Variants in PGLYRP4 observed in about 807,000 individuals in gnomAD.
PGLYRP4 encodes the protein PGRP-I-beta.
A neutral mutation model predicts 41.2 loss-of-function variants in PGLYRP4; 39 were observed. That is an observed-to-expected ratio of 0.95 (90% CI 0.73 to 1.24). The LOEUF (loss-of-function observed/expected upper bound fraction) is 1.24, where lower values mean the gene tolerates loss of function less well. Among genes scored for constraint, PGLYRP4 ranks in the 50% most tolerant of loss-of-function variants. PGLYRP4 has a pLI of 0.00. For synonymous variants in PGLYRP4, 202 were observed against 186.8 expected (o/e 1.08, Z -0.66); for missense variants, 467 against 460.7 (o/e 1.01, Z -0.13).
At chr1:153,334,468 T>TATATATATTTATATATATA in intron 8 of PGLYRP4, among the ~76,000 whole-genome samples, 1 of 142,530 alleles carries the variant, frequency 7.0e-6, no homozygotes, top group Non-Finnish European at 1.5e-5. Flanking sequence ...ATATATTTAT[T>TATATATATTTATATATATA]TATATATATT....
rs1450926780 is a variant in PGLYRP4 at position 153,340,380 on chromosome 1, C to T, written c.824+1G>A. 1.2e-6 allele frequency: 2 copies of T among 1,613,848 alleles called. No homozygotes were observed. The highest frequency in any genetic ancestry group is 1.7e-5 in the Admixed American group (1 of 60,002). ...AGCCCAGTGTACCCAGACCCACTCA[C>T]TTATAACCAATGTCGCATGACTTGA... is the stretch of plus-strand genomic sequence containing the variant. On this transcript the variant is annotated splice_donor_variant, in intron 7 of 8. Transcript: ENST00000359650. LOFTEE classifies it high-confidence loss of function.
chr1:153,339,595 G>A (rs899336937), intron 7 of PGLYRP4, among the ~76,000 whole-genome samples: 1 of 152,132 alleles, frequency 6.6e-6, no homozygotes, highest in African/African-American at 2.4e-5. Context: ...GGGGTCTAAC[G>A]CCGGATGTCT....
rs1274919555 is a variant in PGLYRP4 at position 153,341,761 on chromosome 1, G to T, written c.491C>A (p.Ala164Asp). The change falls in exon 6 of 9, where the codon GCT becomes GAT. Residue 164 changes from alanine to aspartate, a missense_variant. Transcript: ENST00000359650. ...TAGGTTTTCCATGGCCGACAGGGCA[G>T]CAGGGCTGGGACTGTGGCCTAGAAG... ...GTKKGHSPSP[A>D]ALSAMENLIT... 3 of 1,613,830 alleles carry T rather than the reference G, an allele frequency of 1.9e-6. No individual in the cohort carries two copies. The South Asian group carries it at 3.3e-5, about 18-fold the overall frequency.
chr1:153,345,275 G>C lies in PGLYRP4; in HGVS notation c.247C>G (p.His83Asp), dbSNP rs1348817028. The C allele has an allele frequency of 2.5e-6, 4 of 1,614,018 alleles. No individual in the cohort carries two copies. In the African/African-American group the frequency reaches 4.0e-5, roughly 16 times the overall value. Reference protein sequence around the residue: ...TTPVNVLVIHHVPGLECHDQT... With the variant: ...TTPVNVLVIHDVPGLECHDQT... ...TCGTGACACTCCAGTCCAGGGACATGGTGTATAACAAGGACATTCACTGGC... is the reference window on the plus strand; with the variant it reads ...TCGTGACACTCCAGTCCAGGGACATCGTGTATAACAAGGACATTCACTGGC... Residue 83 changes from histidine to aspartate, a missense_variant, in exon 4 of 9, where the codon CAT becomes GAT. Coordinates refer to ENST00000359650, the MANE Select transcript of PGLYRP4 (RefSeq NM_020393.4).
chr1:153,339,240 G>A (rs114888794), intron 7 of PGLYRP4, among the ~76,000 whole-genome samples: 3 of 152,304 alleles, frequency 2.0e-5, no homozygotes, highest in South Asian at 4.1e-4. Context: ...CCATTTTCAG[G>A]TATCCACTCT....
At chr1:153,334,009 A>G (rs1187058023) in intron 8 of PGLYRP4, among the ~76,000 whole-genome samples, 3 of 152,164 alleles carry the variant, frequency 2.0e-5, no homozygotes, top group Admixed American at 1.3e-4. Context: ...AAAGACAAAG[A>G]TGCCCACTTT....
At chr1:153,345,444 A>G in intron 3 of PGLYRP4, 62 bp from the exon 4 acceptor site, 3 of 1,456,282 alleles carry the variant, frequency 2.1e-6, no homozygotes, top group Non-Finnish European at 2.9e-6. Context: ...CAAGCTGAAC[A>G]TGCAGGCATG....
chr1:153,345,761 T>A (rs1190197067), intron 3 of PGLYRP4, among the ~76,000 whole-genome samples: 1 of 152,168 alleles, frequency 6.6e-6, no homozygotes, highest in Non-Finnish European at 1.5e-5. Flanking sequence ...CGGTTCTGAG[T>A]GTTCCCTGAG....
intron 3 of PGLYRP4, 82 bp from the exon 4 acceptor site, chr1:153,345,464 G>T: frequency 7.7e-7 from 1 of 1,293,000 alleles, no homozygotes; most frequent in Admixed American, 1.7e-5. Context: ...GGGCTGTGTC[G>T]GCCCCTTGGT....
Position 153,340,448 on chromosome 1 carries a change from G to C in PGLYRP4, c.757C>G (p.Arg253Gly), listed in dbSNP as rs148300800. The change falls in exon 7 of 9, where the codon CGC becomes GGC. Residue 253 changes from arginine (R) to glycine (G), a missense_variant. Coordinates refer to ENST00000359650, the MANE Select transcript of PGLYRP4 (RefSeq NM_020393.4). ...GACTGGATGTCCCGGACCAGCAGGC[G>C]GCACTCATCAGAAATGTTGCAGGTC... ...GRTCNISDEC[R>G]LLVRDIQSFY... is the part of the protein sequence containing the mutation. 1 of 1,614,082 alleles carries C rather than the reference G, an allele frequency of 6.2e-7. No homozygotes were observed. The highest frequency in any genetic ancestry group is 8.5e-7 in the Non-Finnish European group (1 of 1,180,010).
chr1:153,332,401 A>G (rs1297788877), intron 8 of PGLYRP4, among the ~76,000 whole-genome samples: 1 of 152,200 alleles, frequency 6.6e-6, no homozygotes, highest in African/African-American at 2.4e-5. Context: ...TAGACCTAAG[A>G]AAAGAGATGA....
rs1660303602 is a variant in PGLYRP4 at position 153,330,780 on chromosome 1, T to C, written c.1109A>G (p.His370Arg). ...CTGGGGCTTCTCTCAGTGTTTGAAA[T>C]GAGGCCAGGTGCTGATGATGTTGTA... ...ALYNIISTWPHFKH is the reference protein window; with the variant it reads ...ALYNIISTWPRFKH Residue 370 changes from histidine (H) to arginine (R), a missense_variant, in exon 9 of 9, where the codon CAT becomes CGT. Transcript: ENST00000359650. The C allele has an allele frequency of 1.2e-6, 2 of 1,613,218 alleles. No homozygotes were observed. Among genetic ancestry groups the C allele is most frequent in the Non-Finnish European group, 1.7e-6 (2 of 1,179,392 alleles).
intron 3 of PGLYRP4, among the ~76,000 whole-genome samples, chr1:153,345,897 T>G (rs1660990573): frequency 6.6e-6 from 1 of 152,180 alleles, no homozygotes; most frequent in Non-Finnish European, 1.5e-5. Flanking sequence ...CCCCTCTTCC[T>G]GGGTTTCTAG....
chr1:153,344,111 A>AT (rs1366007886), intron 4 of PGLYRP4, among the ~76,000 whole-genome samples: 3 of 152,208 alleles, frequency 2.0e-5, no homozygotes, highest in African/African-American at 7.2e-5. Flanking sequence ...CAAGCCTCTG[A>AT]TAAACTCTCC....
At chr1:153,336,538 ATTGGC>A (rs1352291496) in intron 8 of PGLYRP4, among the ~76,000 whole-genome samples, 1 of 152,172 alleles carries the variant, frequency 6.6e-6, no homozygotes, top group African/African-American at 2.4e-5. Context: ...ATGGGTACAT[ATTGGC>A]ACACAGAGTA....
At chr1:153,339,406 G>A (rs561442543) in intron 7 of PGLYRP4, among the ~76,000 whole-genome samples, 102 of 152,312 alleles carry the variant, frequency 6.7e-4, no homozygotes, top group African/African-American at 1.8e-3. Context: ...GGCCAGAGAG[G>A]GGAGAGACAG....
rs754138096 is a variant in PGLYRP4 at position 153,340,483 on chromosome 1, G to T, written c.722C>A (p.Thr241Asn). Residue 241 changes from threonine (T) to asparagine (N), a missense_variant, in exon 7 of 9, where the codon ACT becomes AAT. Transcript: ENST00000359650. The part of the protein sequence containing the change: ...LPAKYGIIIH[T>N]AGRTCNISDE... ...AGAAATGTTGCAGGTCCTCCCGGCA[G>T]TGTGGATAATGATGCCATACTTCGC... The T allele has an allele frequency of 2.3e-5, 37 of 1,614,076 alleles. No individual in the cohort carries two copies. Among genetic ancestry groups the T allele is most frequent in the Non-Finnish European group, 3.1e-5 (37 of 1,180,012 alleles).
rs1158655383 is a variant in PGLYRP4, at chr1:153,340,362, T to G, written c.824+19A>C. 8.7e-6 allele frequency: 14 copies of G among 1,610,676 alleles called. No homozygotes were observed. In the African/African-American group the frequency reaches 1.1e-4, roughly 12 times the overall value. ...TGCCCCCAAGGGAAAAGAAGCCCAGTGTACCCAGACCCACTCACTTATAAC... is the reference window on the plus strand; with the variant it reads ...TGCCCCCAAGGGAAAAGAAGCCCAGGGTACCCAGACCCACTCACTTATAAC... On this transcript the variant is annotated intron_variant, in intron 7 of 8. Coordinates refer to ENST00000359650, the MANE Select transcript of PGLYRP4 (RefSeq NM_020393.4).
chr1:153,341,222 T>A (rs999020085), intron 6 of PGLYRP4, among the ~76,000 whole-genome samples: 2 of 152,360 alleles, frequency 1.3e-5, no homozygotes, highest in South Asian at 2.1e-4. Flanking sequence ...TTTCTCCATA[T>A]AACATCCCAA....
Sources: gnomAD v4.1 joint callset for allele counts (sites outside exome capture counted in the v4.1 genomes callset) on GRCh38, gnomAD v4.1.1 for gene constraint, MANE v1.5 for transcripts, NCBI Gene and HGNC (gene_info 2026-07-23, HGNC 2026-07-21) for gene names.